SYT10: variants seen among roughly 807,000 people sequenced by gnomAD.
The protein encoded by SYT10 is synaptotagmin-10.
Under a neutral mutation model 51.1 loss-of-function variants are expected in SYT10, and 31 were observed. That is an observed-to-expected ratio of 0.61 (90% confidence interval 0.46 to 0.82). SYT10 has a LOEUF of 0.82. Ranked by LOEUF, SYT10 falls within the 40% of genes least tolerant of loss-of-function variation. SYT10 has a pLI of 0.00. For missense variants in SYT10, 603 were observed against 634.0 expected (o/e 0.95, Z 0.53); for synonymous variants, 233 against 225.9 (o/e 1.03, Z -0.28).
At chr12:33,380,944 T>C (rs1866109375) in intron 5 of SYT10, among the ~76,000 whole-genome samples, 1 of 152,190 alleles carries the variant, frequency 6.6e-6, no homozygotes, top group Admixed American at 6.5e-5. Context: ...TATGTATATG[T>C]AGTATTATTT....
At chr12:33,391,841 A>G (rs1042799165) in intron 3 of SYT10, among the ~76,000 whole-genome samples, 9 of 152,210 alleles carry the variant, frequency 5.9e-5, no homozygotes, top group Non-Finnish European at 1.0e-4. Flanking sequence ...GAGTAAATAA[A>G]TAATAAGGTA....
intron 6 of SYT10, among the ~76,000 whole-genome samples, chr12:33,378,160 A>G (rs1337840634): frequency 6.6e-6 from 1 of 152,106 alleles, no homozygotes; most frequent in Non-Finnish European, 1.5e-5. Context: ...TTGCTGGAGA[A>G]TGTACATTTA....
chr12:33,408,280 C>G (rs1215357726), intron 2 of SYT10: 1 of 151,984 alleles, frequency 6.6e-6, no homozygotes, highest in Non-Finnish European at 1.5e-5. Context: ...AAAATGAGTA[C>G]ATTTTCTTTT....
intron 3 of SYT10, among the ~76,000 whole-genome samples, chr12:33,388,404 A>C (rs566215080): frequency 6.6e-6 from 1 of 152,330 alleles, no homozygotes; most frequent in Non-Finnish European, 1.5e-5. Context: ...GCTTAAAATG[A>C]GTAAGGCTTT....
At chr12:33,401,839 A>G (rs1193945340) in intron 3 of SYT10, among the ~76,000 whole-genome samples, 1 of 152,240 alleles carries the variant, frequency 6.6e-6, no homozygotes, top group Non-Finnish European at 1.5e-5. Context: ...AATAACATTC[A>G]AAAAGCATTT....
intron 3 of SYT10, among the ~76,000 whole-genome samples, chr12:33,402,308 C>T (rs1396349765): frequency 1.3e-5 from 2 of 152,198 alleles, no homozygotes; most frequent in East Asian, 3.9e-4. Context: ...TTTCTGCCCT[C>T]TGAAAACATG....
intron 1 of SYT10, among the ~76,000 whole-genome samples, chr12:33,434,546 G>A (rs766668709): frequency 3.3e-5 from 5 of 152,206 alleles, no homozygotes; most frequent in Non-Finnish European, 5.9e-5. Context: ...GCTCACGCCT[G>A]TAATCTCAGC....
At chr12:33,426,580 T>G in intron 1 of SYT10, 85 bp from the exon 2 acceptor site, 1 of 1,154,636 alleles carries the variant, frequency 8.7e-7, no homozygotes, top group South Asian at 1.9e-5. Context: ...ATCATAATTG[T>G]TATTATTTCC....
In SYT10 at chr12:33,437,711, C is replaced by T. The variant is rs568503417; in HGVS notation, c.151+1661G>A. Among the ~76,000 whole-genome samples the T allele has an allele frequency of 3.9e-5, 6 of 152,166 alleles. No individual in the cohort carries two copies. The South Asian group carries it at 1.0e-3, about 26-fold the overall frequency. ...AGTGTAGCCCCTTCTCTGAGTGTTA[C>T]CTTTAGCAAGTGGGTCACTAAAGAC... On this transcript the variant is annotated intron_variant, in intron 1 of 6. Transcript: ENST00000228567.
At chr12:33,406,146 C>G (rs1165690617) in intron 3 of SYT10, among the ~76,000 whole-genome samples, 7 of 151,918 alleles carry the variant, frequency 4.6e-5, no homozygotes, top group African/African-American at 1.7e-4. Flanking sequence ...TGTGTTTTTA[C>G]TGTTTTTTAA....
chr12:33,426,032 C>T, intron 2 of SYT10, 106 bp downstream of exon 2: 3 of 1,174,140 alleles, frequency 2.6e-6, no homozygotes, highest in East Asian at 2.4e-5. Context: ...CTCTTTTCTC[C>T]CAACTAAAGT....
intron 1 of SYT10, among the ~76,000 whole-genome samples, chr12:33,434,853 C>T (rs761371496): frequency 2.6e-5 from 4 of 152,036 alleles, no homozygotes; most frequent in Admixed American, 6.6e-5. Context: ...CTAGTATGAA[C>T]CACAGATTTT....
At chr12:33,431,396 C>G (rs1866595847) in intron 1 of SYT10, among the ~76,000 whole-genome samples, 1 of 152,140 alleles carries the variant, frequency 6.6e-6, no homozygotes, top group Non-Finnish European at 1.5e-5. Context: ...AACTAGTAGT[C>G]ACTTTCTCAT....
chr12:33,388,944 G>A (rs769632769), intron 3 of SYT10, among the ~76,000 whole-genome samples: 6 of 152,188 alleles, frequency 3.9e-5, no homozygotes, highest in Non-Finnish European at 8.8e-5. Context: ...TAGCAATGGA[G>A]TGTAAGAGAT....
At chr12:33,423,099 T>C (rs1403309503) in intron 2 of SYT10, among the ~76,000 whole-genome samples, 1 of 152,156 alleles carries the variant, frequency 6.6e-6, no homozygotes, top group Non-Finnish European at 1.5e-5. Context: ...GTCCACGTAC[T>C]TGAAAAAGGA....
At chr12:33,381,538 A>T (rs1392182307) in intron 5 of SYT10, among the ~76,000 whole-genome samples, 1 of 152,210 alleles carries the variant, frequency 6.6e-6, no homozygotes, top group Admixed American at 6.5e-5. Context: ...CAAATAAGAG[A>T]CATAAACCAT....
chr12:33,377,518 A>G (rs1454719758), intron 6 of SYT10, among the ~76,000 whole-genome samples: 1 of 152,148 alleles, frequency 6.6e-6, no homozygotes, highest in Non-Finnish European at 1.5e-5. Context: ...GCCCCAAGTG[A>G]CAGAGATACT....
chr12:33,380,984 T>C (rs539366910), intron 5 of SYT10, among the ~76,000 whole-genome samples: 66 of 152,334 alleles, frequency 4.3e-4, no homozygotes, highest in African/African-American at 1.5e-3. Context: ...CAAACAAGCA[T>C]GTTTTTAGGT....
At chr12:33,408,589 T>A (rs2138417134) in intron 2 of SYT10, among the ~76,000 whole-genome samples, 1 of 152,334 alleles carries the variant, frequency 6.6e-6, no homozygotes, top group East Asian at 1.9e-4. Flanking sequence ...ATATTTCTTG[T>A]CAGTCTGTTC....
Sources: allele counts gnomAD v4.1 joint callset (sites outside exome capture counted in the v4.1 genomes callset), GRCh38; gene constraint gnomAD v4.1.1; transcripts MANE v1.5; gene names NCBI Gene and HGNC (gene_info 2026-07-23, HGNC 2026-07-21).